TMEM38B: variants seen among roughly 807,000 people sequenced by gnomAD.
TMEM38B encodes transmembrane protein 38B.
A neutral mutation model predicts 28.7 loss-of-function variants in TMEM38B; 24 were observed. That is an observed-to-expected ratio of 0.84 (90% CI 0.61 to 1.18). TMEM38B has a LOEUF of 1.18. Ranked by LOEUF, TMEM38B falls within the 50% of genes most tolerant of loss-of-function variation. TMEM38B has a pLI of 0.00. For synonymous variants in TMEM38B, 131 were observed against 127.7 expected (o/e 1.03, Z -0.17); for missense variants, 380 against 350.9 (o/e 1.08, Z -0.66).
intron 4 of TMEM38B, among the ~76,000 whole-genome samples, chr9:105,729,921 T>G (rs182728443): frequency 6.6e-6 from 1 of 152,212 alleles, no homozygotes; most frequent in Non-Finnish European, 1.5e-5. Flanking sequence ...TTTTGCACAT[T>G]GATTTTGTAT....
chr9:105,741,981 C>T (rs1490236695), intron 4 of TMEM38B, among the ~76,000 whole-genome samples: 5 of 152,154 alleles, frequency 3.3e-5, no homozygotes, highest in Non-Finnish European at 7.4e-5. Context: ...GGAGGTTATA[C>T]AAGAAAGATC....
intron 2 of TMEM38B, among the ~76,000 whole-genome samples, chr9:105,715,023 CCTTT>C (rs1426402114): frequency 8.5e-5 from 13 of 152,136 alleles, no homozygotes; most frequent in African/African-American, 2.9e-4. Context: ...ATATATATCT[CCTTT>C]CTTCCACCCT....
intron 4 of TMEM38B, among the ~76,000 whole-genome samples, chr9:105,730,413 A>T (rs920154675): frequency 6.6e-6 from 1 of 152,208 alleles, no homozygotes; most frequent in Non-Finnish European, 1.5e-5. Flanking sequence ...CATCCCAAGG[A>T]TGAAGCCAAC....
At chr9:105,738,173 A>G (rs1215905971) in intron 4 of TMEM38B, among the ~76,000 whole-genome samples, 3 of 152,028 alleles carry the variant, frequency 2.0e-5, no homozygotes, top group Non-Finnish European at 4.4e-5. Context: ...ACACAGCCGT[A>G]TGGACTCTGA....
intron 4 of TMEM38B, among the ~76,000 whole-genome samples, chr9:105,735,240 T>C (rs551743944): frequency 1.3e-5 from 2 of 152,202 alleles, no homozygotes; most frequent in Non-Finnish European, 2.9e-5. Flanking sequence ...TTACCTTTTG[T>C]GTGTTCCTTA....
chr9:105,701,024 G>A (rs1835446422), intron 1 of TMEM38B: 1 of 151,998 alleles, frequency 6.6e-6, no homozygotes, highest in African/African-American at 2.4e-5. Context: ...GGGCTCTAAA[G>A]AGCTCCTCCA....
At chr9:105,745,085 T>C (rs950486152) in intron 4 of TMEM38B, among the ~76,000 whole-genome samples, 24 of 152,354 alleles carry the variant, frequency 1.6e-4, no homozygotes, top group South Asian at 1.5e-3. Context: ...TGATTTATAA[T>C]CCTTTGAGTA....
chr9:105,768,160 G>A (rs977602718), intron 5 of TMEM38B, among the ~76,000 whole-genome samples: 1 of 152,050 alleles, frequency 6.6e-6, no homozygotes, highest in African/African-American at 2.4e-5. Context: ...TTTGTCAAAT[G>A]CTTTCTTCTG....
chr9:105,759,753 C>G, intron 5 of TMEM38B: 2 of 1,607,380 alleles, frequency 1.2e-6, no homozygotes, highest in Non-Finnish European at 1.7e-6. Context: ...AAAAGCCATT[C>G]CGTGCTGGTT....
intron 2 of TMEM38B, among the ~76,000 whole-genome samples, chr9:105,706,049 G>A (rs767151345): frequency 1.5e-4 from 23 of 151,788 alleles, no homozygotes; most frequent in African/African-American, 5.1e-4. Context: ...TACAGCACCC[G>A]CCCTCACGCA....
intron 2 of TMEM38B, among the ~76,000 whole-genome samples, chr9:105,717,046 A>C (rs144335280): frequency 3.3e-5 from 5 of 152,232 alleles, no homozygotes; most frequent in African/African-American, 9.6e-5. Flanking sequence ...TGAAGAGTCA[A>C]CTATTGTGCG....
chr9:105,730,786 A>T (rs1836711943), intron 4 of TMEM38B, among the ~76,000 whole-genome samples: 1 of 152,118 alleles, frequency 6.6e-6, no homozygotes, highest in African/African-American at 2.4e-5. Flanking sequence ...TTCCTGGTTT[A>T]GTCTTGGGAG....
At chr9:105,706,382 G>A (rs1313479145) in intron 2 of TMEM38B, among the ~76,000 whole-genome samples, 8 of 152,242 alleles carry the variant, frequency 5.3e-5, no homozygotes. Context: ...GGACGCAGAG[G>A]ATTAGAGAGA....
intron 2 of TMEM38B, among the ~76,000 whole-genome samples, chr9:105,712,495 G>C (rs1301624899): frequency 6.6e-6 from 1 of 152,186 alleles, no homozygotes; most frequent in South Asian, 2.1e-4. Flanking sequence ...CATAATCATG[G>C]TATAGATCAT....
intron 5 of TMEM38B, among the ~76,000 whole-genome samples, chr9:105,757,015 G>T (rs1048579797): frequency 6.6e-6 from 1 of 152,036 alleles, no homozygotes; most frequent in Non-Finnish European, 1.5e-5. Context: ...CACCTGAGCG[G>T]TGTATACTGT....
intron 4 of TMEM38B, among the ~76,000 whole-genome samples, chr9:105,746,789 G>T (rs1006255941): frequency 6.6e-6 from 1 of 152,132 alleles, no homozygotes; most frequent in Non-Finnish European, 1.5e-5. Context: ...TAGCATGAAG[G>T]GCTGTTGAAT....
At chr9:105,755,965 T>A (rs1198450035) in intron 5 of TMEM38B, among the ~76,000 whole-genome samples, 2 of 152,214 alleles carry the variant, frequency 1.3e-5, no homozygotes, top group Admixed American at 6.5e-5. Context: ...GCATGGTGGA[T>A]CATGCCTGTA....
At chr9:105,756,506 T>C (rs1837836364) in intron 5 of TMEM38B, among the ~76,000 whole-genome samples, 1 of 152,228 alleles carries the variant, frequency 6.6e-6, no homozygotes, top group Admixed American at 6.5e-5. Context: ...TTTCTAACTT[T>C]AATCTTTAAA....
At chr9:105,696,480 T>A (rs954678787) in intron 1 of TMEM38B, among the ~76,000 whole-genome samples, 28 of 152,218 alleles carry the variant, frequency 1.8e-4, no homozygotes, top group Non-Finnish European at 3.5e-4. Flanking sequence ...GGAGACGGGG[T>A]TTCGCCATGT....
Sources: gnomAD v4.1 joint callset for allele counts (sites outside exome capture counted in the v4.1 genomes callset) on GRCh38, gnomAD v4.1.1 for gene constraint, MANE v1.5 for transcripts, NCBI Gene and HGNC (gene_info 2026-07-23, HGNC 2026-07-21) for gene names.